SH3PXD2B: variants seen among roughly 807,000 people sequenced by gnomAD.
The protein encoded by SH3PXD2B is SH3 and PX domain-containing protein 2B.
SH3PXD2B carries 37 observed loss-of-function variants against 73.1 expected under a neutral mutation model. That is an observed-to-expected ratio of 0.51 (90% CI 0.39 to 0.67). The LOEUF (loss-of-function observed/expected upper bound fraction) is 0.67. Ranked by LOEUF, SH3PXD2B falls within the 30% of genes least tolerant of loss-of-function variation. SH3PXD2B has a pLI of 0.00. For missense variants in SH3PXD2B, 1,053 were observed against 1,197.8 expected, an observed-to-expected ratio of 0.88 and a Z score of 1.78; for synonymous variants, 457 against 480.5, an observed-to-expected ratio of 0.95 and a Z score of 0.64.
intron 1 of SH3PXD2B, among the ~76,000 whole-genome samples, 196 bp downstream of exon 1, chr5:172,454,082 G>A (rs1759867545): frequency 8.0e-6 from 1 of 125,540 alleles, no homozygotes; most frequent in African/African-American, 2.9e-5. Flanking sequence ...GGAGAACGAG[G>A]CAAAAGCGGG....
chr5:172,337,074 C>T lies in SH3PXD2B; in HGVS notation c.*1295G>A. The T allele has an allele frequency of 1.0e-6, 1 of 966,764 alleles. No homozygotes were observed. The highest frequency in any genetic ancestry group is 1.2e-6 in the Non-Finnish European group (1 of 824,280). 59.9% of individuals were successfully genotyped at this position (966,764 alleles called of 1,614,324 possible). A position where few individuals can be genotyped will look rare whatever the true frequency, so the allele number is the denominator to read the frequency against. On this transcript the variant is annotated 3_prime_UTR_variant, in exon 13 of 13. Transcript: ENST00000311601. ...CTCCCGTTGCTCCATAAGCTCTATTCCCCAGGGGGCAACAGCTTAGAAGAG... is the reference window on the plus strand; with the variant it reads ...CTCCCGTTGCTCCATAAGCTCTATTTCCCAGGGGGCAACAGCTTAGAAGAG...
At chr5:172,407,665 G>C (rs962391105) in intron 2 of SH3PXD2B, among the ~76,000 whole-genome samples, 1 of 152,196 alleles carries the variant, frequency 6.6e-6, no homozygotes, top group African/African-American at 2.4e-5. Context: ...CTTGAGATCT[G>C]TCCCTCTCAT....
intron 3 of SH3PXD2B, among the ~76,000 whole-genome samples, chr5:172,395,481 A>T (rs1388351796): frequency 2.6e-5 from 4 of 152,198 alleles, no homozygotes; most frequent in African/African-American, 9.6e-5. Flanking sequence ...GCTATGAACC[A>T]CCAATATGAC....
chr5:172,332,258 T>TTC (rs1023942308), downstream of SH3PXD2B, among the ~76,000 whole-genome samples: 4 of 147,514 alleles, frequency 2.7e-5, no homozygotes, highest in East Asian at 2.0e-4. Context: ...TTTCCTTCCT[T>TTC]TTTTTTTTTT....
At chr5:172,354,047 A>C in intron 8 of SH3PXD2B, 42 bp from the exon 9 acceptor site, 2 of 1,571,354 alleles carry the variant, frequency 1.3e-6, no homozygotes, top group South Asian at 1.1e-5. Flanking sequence ...GAGGACACCA[A>C]GAGGCTTGGG....
At chr5:172,454,112 A>G (rs1581352754) in intron 1 of SH3PXD2B, among the ~76,000 whole-genome samples, 166 bp downstream of exon 1, 3 of 87,360 alleles carry the variant, frequency 3.4e-5, no homozygotes, top group African/African-American at 9.5e-5. Flanking sequence ...GGAGGGAGGG[A>G]GGAGGAGTCG....
intron 12 of SH3PXD2B, among the ~76,000 whole-genome samples, chr5:172,344,906 G>A (rs1272256365): frequency 6.6e-6 from 1 of 151,832 alleles, no homozygotes; most frequent in Non-Finnish European, 1.5e-5. Flanking sequence ...GCTGGAGTAA[G>A]GGAAAAGGAA....
rs1473081879 is a variant in SH3PXD2B, at chr5:172,411,446, C to G, written c.157-5094G>C. On this transcript the variant is annotated intron_variant, in intron 2 of 12. Coordinates refer to ENST00000311601, the MANE Select transcript of SH3PXD2B (RefSeq NM_001017995.3). The stretch of plus-strand genomic sequence containing the variant: ...CATGGCCCAAGGAGCTGAAAGGCCT[C>G]CCTTTGTTTTATTTGTTGGAGGTGG... Among the ~76,000 whole-genome samples, 3 of 124,904 alleles carry G rather than the reference C, an allele frequency of 2.4e-5. No individual in the cohort carries two copies. In the East Asian group the frequency reaches 9.9e-4, roughly 41 times the overall value. The allele number at this position is 124,904 out of a possible 152,430, so 81.9% of individuals were successfully genotyped here.
intron 1 of SH3PXD2B, among the ~76,000 whole-genome samples, chr5:172,439,321 T>G (rs74925245): frequency 0.053 from 7,863 of 147,740 alleles, 339 homozygotes; most frequent in South Asian, 0.2. Flanking sequence ...GCATCGGCTT[T>G]AGAATACCTG....
intron 3 of SH3PXD2B, among the ~76,000 whole-genome samples, chr5:172,395,815 G>A (rs1317755680): frequency 2.6e-5 from 4 of 152,042 alleles, no homozygotes; most frequent in African/African-American, 4.8e-5. Flanking sequence ...CAGAGCAACC[G>A]GGGGTATCTA....
chr5:172,433,454 T>G (rs1383152919), intron 1 of SH3PXD2B, among the ~76,000 whole-genome samples: 1 of 152,214 alleles, frequency 6.6e-6, no homozygotes, highest in Non-Finnish European at 1.5e-5. Context: ...TACACTTTAT[T>G]TTCTTTTACA....
intron 1 of SH3PXD2B, among the ~76,000 whole-genome samples, chr5:172,432,055 C>G (rs1263285381): frequency 6.6e-6 from 1 of 151,958 alleles, no homozygotes; most frequent in Non-Finnish European, 1.5e-5. Flanking sequence ...CGCCTGTAAT[C>G]CCAGCTACTG....
intron 6 of SH3PXD2B, among the ~76,000 whole-genome samples, chr5:172,368,581 TA>T (rs1757608274): frequency 5.5e-5 from 1 of 18,186 alleles, no homozygotes; most frequent in African/African-American, 4.8e-4. Flanking sequence ...ATGTTATATA[TA>T]TATATAAAAT....
intron 6 of SH3PXD2B, among the ~76,000 whole-genome samples, chr5:172,366,283 C>CAGGGG (rs1263401715): frequency 1.3e-5 from 2 of 152,152 alleles, no homozygotes; most frequent in East Asian, 3.9e-4. Context: ...TCCCTGGGGC[C>CAGGGG]AGGGGAGGGG....
chr5:172,426,843 G>A (rs770002749), intron 1 of SH3PXD2B, among the ~76,000 whole-genome samples: 2 of 152,180 alleles, frequency 1.3e-5, no homozygotes, highest in Admixed American at 6.5e-5. Flanking sequence ...CTCAGACCCC[G>A]TGGCAACATT....
intron 1 of SH3PXD2B, among the ~76,000 whole-genome samples, chr5:172,446,136 C>T (rs1003069494): frequency 3.9e-5 from 6 of 152,162 alleles, no homozygotes; most frequent in Non-Finnish European, 8.8e-5. Context: ...CACAGAGCCT[C>T]GGCTTCTGGG....
At chr5:172,384,045 C>T (rs1413068189) in intron 4 of SH3PXD2B, among the ~76,000 whole-genome samples, 1 of 152,208 alleles carries the variant, frequency 6.6e-6, no homozygotes, top group African/African-American at 2.4e-5. Flanking sequence ...TGGGGTTTCA[C>T]CATGTTGGCC....
chr5:172,446,470 A>G (rs1352133751), intron 1 of SH3PXD2B, among the ~76,000 whole-genome samples: 3 of 152,190 alleles, frequency 2.0e-5, no homozygotes, highest in Admixed American at 6.5e-5. Context: ...GGGAAAACTG[A>G]GTCATGCAAA....
Position 172,334,326 on chromosome 5 carries a change from G to T in SH3PXD2B, c.*4043C>A. ...TGCAGCTCTGCCTGGGACCCTCGTG[G>T]AAACTTACTCTAGTTAGGAGCAATT... On this transcript the variant is annotated 3_prime_UTR_variant, in exon 13 of 13. Transcript: ENST00000311601. The T allele has an allele frequency of 7.0e-6, 7 of 995,662 alleles. No individual in the cohort carries two copies. The highest frequency in any genetic ancestry group is 8.4e-6 in the Non-Finnish European group (7 of 837,796). 61.7% of individuals were successfully genotyped at this position (995,662 alleles called of 1,614,324 possible).
Sources: gnomAD v4.1 joint callset for allele counts (sites outside exome capture counted in the v4.1 genomes callset) on GRCh38, gnomAD v4.1.1 for gene constraint, MANE v1.5 for transcripts, NCBI Gene and HGNC (gene_info 2026-07-23, HGNC 2026-07-21) for gene names.